Variants in CALD1 observed in about 807,000 individuals in gnomAD.
CALD1 encodes caldesmon.
Under a neutral mutation model 99.9 loss-of-function variants are expected in CALD1, and 33 were observed. The ratio of observed to expected loss-of-function variants is 0.33; its 90% CI spans 0.25 to 0.44. CALD1 has a LOEUF of 0.44. CALD1 is among the 20% of genes least tolerant of loss of function. The pLI, the probability that CALD1 is intolerant of heterozygous loss-of-function variation, is 1.00. For missense variants in CALD1, 861 were observed against 962.1 expected (o/e 0.89, Z 1.39); for synonymous variants, 310 against 325.0 (o/e 0.95, Z 0.50).
intron 3 of CALD1, among the ~76,000 whole-genome samples, chr7:134,909,207 TA>T (rs1490418237): frequency 2.0e-5 from 3 of 152,154 alleles, no homozygotes; most frequent in South Asian, 2.1e-4. Flanking sequence ...TCGAGAAGTT[TA>T]AAAAAAATTT....
At chr7:134,927,416 G>C (rs1008264377) in intron 3 of CALD1, among the ~76,000 whole-genome samples, 1 of 151,698 alleles carries the variant, frequency 6.6e-6, no homozygotes, top group Admixed American at 6.6e-5. Flanking sequence ...GCTGGGTGTG[G>C]TGGTGTGCAC....
chr7:134,906,684 AC>A (rs1038506896), intron 3 of CALD1, among the ~76,000 whole-genome samples: 1 of 152,330 alleles, frequency 6.6e-6, no homozygotes, highest in Admixed American at 6.5e-5. Flanking sequence ...TTTTAGCCTT[AC>A]AAATGAGAAA....
chr7:134,821,354 C>A (rs931633875), intron 1 of CALD1, among the ~76,000 whole-genome samples: 8 of 152,002 alleles, frequency 5.3e-5, no homozygotes, highest in Non-Finnish European at 1.2e-4. Context: ...TCATCAACTT[C>A]TATCATTGAA....
chr7:134,874,496 T>C (rs1432436038), intron 3 of CALD1, among the ~76,000 whole-genome samples: 1 of 152,218 alleles, frequency 6.6e-6, no homozygotes, highest in Non-Finnish European at 1.5e-5. Context: ...AAACCAGCAG[T>C]GATGCTTTTA....
upstream of CALD1, among the ~76,000 whole-genome samples, chr7:134,739,432 A>G (rs1796575145): frequency 6.6e-6 from 1 of 152,228 alleles, no homozygotes; most frequent in African/African-American, 2.4e-5. Flanking sequence ...ATAGCATGTG[A>G]GTCCCACCTA....
chr7:134,875,306 G>A (rs1035028325), intron 3 of CALD1, among the ~76,000 whole-genome samples: 1 of 152,170 alleles, frequency 6.6e-6, no homozygotes, highest in Non-Finnish European at 1.5e-5. Context: ...CCAAAGTTCT[G>A]AGGTTATAGG....
At chr7:134,729,106 C>A in the CALD1 span, among the ~76,000 whole-genome samples, 1 of 152,156 alleles carries the variant, frequency 6.6e-6, no homozygotes, top group African/African-American at 2.4e-5. Context: ...CCCACCTCAG[C>A]CTCCCAAAGT....
intron 1 of CALD1, among the ~76,000 whole-genome samples, chr7:134,794,327 T>C (rs1007596656): frequency 6.6e-6 from 1 of 152,128 alleles, no homozygotes; most frequent in African/African-American, 2.4e-5. Context: ...CTATGTACAC[T>C]AGAGTTGAAA....
chr7:134,793,143 C>T (rs372357351), intron 1 of CALD1, among the ~76,000 whole-genome samples: 84 of 152,218 alleles, frequency 5.5e-4, no homozygotes, highest in Middle Eastern at 3.4e-3. Context: ...GGGAGGCAGG[C>T]GCTGAGAGGG....
At chr7:134,943,031 C>A (rs1383576818) in intron 7 of CALD1, among the ~76,000 whole-genome samples, 1 of 152,152 alleles carries the variant, frequency 6.6e-6, no homozygotes, top group Non-Finnish European at 1.5e-5. Flanking sequence ...CAGGAACAAG[C>A]TGCTACCATA....
chr7:134,746,187 G>A (rs1343633197), intron 1 of CALD1, among the ~76,000 whole-genome samples: 1 of 152,186 alleles, frequency 6.6e-6, no homozygotes, highest in East Asian at 1.9e-4. Context: ...GATAATATTA[G>A]AAGATGATGC....
chr7:134,917,551 T>C (rs886211690), intron 3 of CALD1, among the ~76,000 whole-genome samples: 4 of 152,124 alleles, frequency 2.6e-5, no homozygotes, highest in African/African-American at 9.7e-5. Flanking sequence ...AGTTTCACCA[T>C]GTTGGCCAGG....
chr7:134,714,467 A>T, the CALD1 span, among the ~76,000 whole-genome samples: 1 of 152,022 alleles, frequency 6.6e-6, no homozygotes, highest in African/African-American at 2.4e-5. Flanking sequence ...AACTCTGCCC[A>T]CCTTGCTCTC....
At chr7:134,714,508 A>C in the CALD1 span, among the ~76,000 whole-genome samples, 27,464 of 152,034 alleles carry the variant, frequency 0.18, 2,510 homozygotes, top group South Asian at 0.24. Context: ...GCCTCTCTGC[A>C]TGCCAGTACT....
intron 3 of CALD1, among the ~76,000 whole-genome samples, chr7:134,922,774 C>T (rs977606206): frequency 1.3e-5 from 2 of 152,184 alleles, no homozygotes; most frequent in Non-Finnish European, 2.9e-5. Context: ...GACTTTAATT[C>T]ATTTGAACTT....
chr7:134,833,381 A>G (rs935964566), intron 1 of CALD1, among the ~76,000 whole-genome samples: 2 of 152,172 alleles, frequency 1.3e-5, no homozygotes, highest in African/African-American at 4.8e-5. Context: ...CATCTGGTTA[A>G]AATTCCACAT....
chr7:134,805,403 A>G (rs1435546510), intron 1 of CALD1, among the ~76,000 whole-genome samples: 1 of 152,062 alleles, frequency 6.6e-6, no homozygotes, highest in African/African-American at 2.4e-5. Flanking sequence ...TTAATTTCTA[A>G]GGGTTCTTTG....
At chr7:134,722,771 C>A in the CALD1 span, among the ~76,000 whole-genome samples, 2 of 152,132 alleles carry the variant, frequency 1.3e-5, no homozygotes, top group African/African-American at 4.8e-5. Context: ...TCCACCCCCT[C>A]CACCTTTCCT....
At position 134,946,037 on chromosome 7, in the gene CALD1, A is replaced by T. The variant is rs1289168471; in HGVS notation, c.1533-1471A>T. Reference sequence around the variant, plus strand: ...GTCTTCCCTCCTGATCCATTACTCCAGGCAGACCCAAGTTAACCAGTAACT... The same window carrying T: ...GTCTTCCCTCCTGATCCATTACTCCTGGCAGACCCAAGTTAACCAGTAACT... On this transcript the variant is annotated intron_variant, in intron 7 of 14. Coordinates refer to ENST00000361675, the MANE Select transcript of CALD1 (RefSeq NM_033138.4). Among the ~76,000 whole-genome samples the T allele has an allele frequency of 2.0e-5, 3 of 152,284 alleles. No homozygotes were observed. In the East Asian group the frequency reaches 5.8e-4, roughly 29 times the overall value.
Sources: gnomAD v4.1 joint callset for allele counts (sites outside exome capture counted in the v4.1 genomes callset) on GRCh38, gnomAD v4.1.1 for gene constraint, MANE v1.5 for transcripts, NCBI Gene and HGNC (gene_info 2026-07-23, HGNC 2026-07-21) for gene names.